SNRPN: variants seen among roughly 807,000 people sequenced by gnomAD.
The protein encoded by SNRPN is small nuclear ribonucleoprotein-associated protein N.
SNRPN carries 7 observed loss-of-function variants against 25.2 expected under a neutral mutation model. That is an observed-to-expected ratio of 0.28 (90% CI 0.16 to 0.52). The LOEUF is 0.52. Ranked by LOEUF, SNRPN falls within the 20% of genes least tolerant of loss-of-function variation. The pLI is 0.96. For synonymous variants in SNRPN, 124 were observed against 110.6 expected, an observed-to-expected ratio of 1.12 and a Z score of -0.76; for missense variants, 196 against 322.5, an observed-to-expected ratio of 0.61 and a Z score of 3.00.
At chr15:24,887,891 C>CCCCA (rs2057338383) in intron 2 of SNRPN, among the ~76,000 whole-genome samples, 1 of 151,750 alleles carries the variant, frequency 6.6e-6, no homozygotes, top group African/African-American at 2.4e-5. Flanking sequence ...AGAGAGGACC[C>CCCCA]CCCAGGCTCA....
intron 1 of SNRPN, among the ~76,000 whole-genome samples, chr15:24,873,727 G>T (rs918456366): frequency 2.0e-5 from 3 of 151,970 alleles, no homozygotes; most frequent in Admixed American, 6.6e-5. Context: ...GATTACAGAC[G>T]TGAGCCACCG....
chr15:24,835,071 ATATATATC>A lies in SNRPN; in HGVS notation c.-579+5174_-579+5181del, dbSNP rs2050996555. 5.8e-5 allele frequency among the ~76,000 whole-genome samples: 4 copies of A among 68,568 alleles called. 2 individuals carry two copies. Among genetic ancestry groups the A allele is most frequent in the Non-Finnish European group, 1.2e-4 (4 of 32,100 alleles). 45.0% of individuals were successfully genotyped at this position (68,568 alleles called of 152,430 possible). On this transcript the variant is annotated intron_variant, in intron 2 of 12. Coordinates refer to the SNRPN transcript ENST00000400100. ...ATATATAAAAATATAGATATATAGT[ATATATATC>A]TATATATAAAATATATAGATATATA...
intron 1 of SNRPN, among the ~76,000 whole-genome samples, chr15:24,874,015 GAA>G (rs143345528): frequency 2.4e-5 from 3 of 127,232 alleles, no homozygotes; most frequent in Admixed American, 8.3e-5. Flanking sequence ...TTCATCTTCA[GAA>G]AAAAAAAAAA....
At chr15:24,952,292 G>A (rs1211108047), upstream of SNRPN, among the ~76,000 whole-genome samples, 1 of 152,046 alleles carries the variant, frequency 6.6e-6, no homozygotes, top group African/African-American at 2.4e-5. Flanking sequence ...TGTCTATTCT[G>A]TACAGAATAG....
chr15:24,835,140 A>G (rs1389244721), intron 2 of SNRPN, among the ~76,000 whole-genome samples: 2 of 66,570 alleles, frequency 3.0e-5, no homozygotes, highest in African/African-American at 4.8e-5. Flanking sequence ...ATAGATATAT[A>G]TACTATATAT....
intron 1 of SNRPN, among the ~76,000 whole-genome samples, chr15:24,862,477 G>T (rs2054075514): frequency 6.6e-6 from 1 of 150,892 alleles, no homozygotes; most frequent in Admixed American, 6.6e-5. Flanking sequence ...TTGAAAGAGA[G>T]ATGGAGTGTC....
chr15:24,828,141 T>C (rs4474655), intron 1 of SNRPN, among the ~76,000 whole-genome samples: 121,497 of 152,078 alleles, frequency 0.8, 49,175 homozygotes, highest in East Asian at 0.91. Flanking sequence ...AATGAAATTA[T>C]AAAAGTCTTA....
At chr15:24,886,500 ACTTTTT>A (rs2150097358) in intron 1 of SNRPN, 2 of 151,272 alleles carry the variant, frequency 1.3e-5, no homozygotes, top group South Asian at 4.1e-4. Flanking sequence ...ATTGAATATG[ACTTTTT>A]CTTTAACAGA....
chr15:24,964,746 A>G (rs1339319223), intron 2 of SNRPN, among the ~76,000 whole-genome samples: 2 of 152,142 alleles, frequency 1.3e-5, no homozygotes, highest in Non-Finnish European at 2.9e-5. Flanking sequence ...TGAAGGTTCT[A>G]TCTTGCTATA....
intron 2 of SNRPN, chr15:24,909,937 G>C: frequency 1.9e-6 from 1 of 526,912 alleles, no homozygotes; most frequent in Non-Finnish European, 3.4e-6. Flanking sequence ...CCTGGAACAA[G>C]GTATCTGTGT....
At chr15:24,913,159 C>T (rs577943198) in intron 2 of SNRPN, among the ~76,000 whole-genome samples, 2 of 152,124 alleles carry the variant, frequency 1.3e-5, no homozygotes, top group African/African-American at 4.8e-5. Flanking sequence ...AGTCTGATCT[C>T]GAACCCCTGA....
chr15:24,838,799 G>A (rs1040734003), intron 2 of SNRPN, among the ~76,000 whole-genome samples: 8 of 151,978 alleles, frequency 5.3e-5, no homozygotes, highest in Non-Finnish European at 1.0e-4. Flanking sequence ...GATGTTTCCC[G>A]CACTACTAGA....
At chr15:24,978,163 G>A in intron 8 of SNRPN, 30 bp from the exon 9 acceptor site, 1 of 1,602,464 alleles carries the variant, frequency 6.2e-7, no homozygotes, top group South Asian at 1.1e-5. Context: ...CATTTTATGA[G>A]GCCTTTATTT....
At position 24,930,620 on chromosome 15, in the gene SNRPN, A is replaced by G. The variant is rs546043263; in HGVS notation, c.-391+10496A>G. ...AAAAAAAAAAAAAAAGTCTGGGTGC[A>G]GTGGCTCACGCCTGTAATCCCAGTA... On this transcript the variant is annotated intron_variant, in intron 3 of 11. Coordinates refer to the SNRPN transcript ENST00000400097. Among the ~76,000 whole-genome samples, 128 of 141,552 alleles carry G rather than the reference A, an allele frequency of 9.0e-4. 1 individual carries two copies. In the South Asian group the frequency reaches 0.027, roughly 30 times the overall value. 92.9% of individuals were successfully genotyped at this position (141,552 alleles called of 152,430 possible).
chr15:24,835,627 A>G (rs747765398), intron 2 of SNRPN, among the ~76,000 whole-genome samples: 2 of 150,966 alleles, frequency 1.3e-5, no homozygotes, highest in African/African-American at 5.0e-5. Flanking sequence ...ATGAATGCAT[A>G]CATTCTTTCT....
At chr15:24,823,921 A>G (rs932513935) in intron 1 of SNRPN, 6 of 152,034 alleles carry the variant, frequency 3.9e-5, no homozygotes, top group African/African-American at 1.5e-4. Flanking sequence ...ATCATTTAAA[A>G]CCAATTCATA....
chr15:24,953,288 A>AT (rs1259567744), upstream of SNRPN, among the ~76,000 whole-genome samples: 3 of 152,056 alleles, frequency 2.0e-5, no homozygotes, highest in South Asian at 2.1e-4. Flanking sequence ...TTCTTTCATA[A>AT]TTTTTTCAGT....
intron 3 of SNRPN, among the ~76,000 whole-genome samples, chr15:24,921,956 T>C (rs950741408): frequency 1.3e-5 from 2 of 150,660 alleles, no homozygotes; most frequent in African/African-American, 4.9e-5. Flanking sequence ...CCCAGCACTT[T>C]GGGAGGCCAA....
intron 1 of SNRPN, among the ~76,000 whole-genome samples, chr15:24,956,014 G>A (rs1201443277): frequency 6.6e-6 from 1 of 152,058 alleles, no homozygotes; most frequent in Non-Finnish European, 1.5e-5. Context: ...TGCCTACTGT[G>A]GTGGTGGTGC....
Sources: allele counts gnomAD v4.1 joint callset (sites outside exome capture counted in the v4.1 genomes callset), GRCh38; gene constraint gnomAD v4.1.1; transcripts MANE v1.5; gene names NCBI Gene and HGNC (gene_info 2026-07-23, HGNC 2026-07-21).